The following ATP8A1 variants were observed in gnomAD, a reference collection of about 807,000 sequenced individuals.
ATP8A1 encodes phospholipid-transporting ATPase IA.
Under a neutral mutation model 177.7 loss-of-function variants are expected in ATP8A1, and 90 were observed. The ratio of observed to expected loss-of-function variants is 0.51; its 90% confidence interval spans 0.43 to 0.60. The LOEUF (loss-of-function observed/expected upper bound fraction) is 0.60. ATP8A1 is among the 20% of genes least tolerant of loss of function. ATP8A1 has a pLI of 0.00. For missense variants in ATP8A1, 1,072 were observed against 1,392.8 expected (o/e 0.77, Z 3.67); for synonymous variants, 493 against 485.9 (o/e 1.01, Z -0.19).
intron 5 of ATP8A1, among the ~76,000 whole-genome samples, chr4:42,601,929 A>G (rs1040118106): frequency 4.6e-5 from 7 of 152,192 alleles, no homozygotes; most frequent in Non-Finnish European, 1.0e-4. Context: ...TTCACAATAT[A>G]AATTATTTAA....
chr4:42,436,356 T>C (rs1715998919), intron 33 of ATP8A1, among the ~76,000 whole-genome samples: 1 of 152,228 alleles, frequency 6.6e-6, no homozygotes. Flanking sequence ...GCAAAGGTGC[T>C]GTGGTTACAA....
chr4:42,549,575 G>A (rs571645804), intron 18 of ATP8A1, among the ~76,000 whole-genome samples: 50 of 152,182 alleles, frequency 3.3e-4, no homozygotes, highest in African/African-American at 1.1e-3. Context: ...AATCAAAGGA[G>A]CTCAGGAGTT....
chr4:42,630,748 G>A (rs1043508271), intron 1 of ATP8A1, among the ~76,000 whole-genome samples: 2 of 152,168 alleles, frequency 1.3e-5, no homozygotes, highest in Non-Finnish European at 2.9e-5. Context: ...ACTGAACTCT[G>A]AAGCCCACCA....
intron 25 of ATP8A1, among the ~76,000 whole-genome samples, chr4:42,480,900 A>C (rs980113302): frequency 6.6e-6 from 1 of 152,264 alleles, no homozygotes. Flanking sequence ...AGAAGACATG[A>C]GTACATAAAT....
At position 42,545,909 on chromosome 4, in the gene ATP8A1, G is replaced by A. The variant is rs1728865898; in HGVS notation, c.1653-1923C>T. ...GAATAGCTTGAACCTGGGAGGCGGA[G>A]GTTGCAGTGAGCTGAGATCGAGCCA... is the stretch of plus-strand genomic sequence containing the variant. On this transcript the variant is annotated intron_variant, in intron 19 of 36. Coordinates refer to ENST00000381668, the MANE Select transcript of ATP8A1 (RefSeq NM_006095.2). Among the ~76,000 whole-genome samples the A allele has an allele frequency of 4.6e-5, 7 of 152,288 alleles. No individual in the cohort carries two copies. In the South Asian group the frequency reaches 1.5e-3, roughly 32 times the overall value.
rs1169057055 is a variant in ATP8A1, at chr4:42,497,646, T to TA, written c.2151+5803dup. On this transcript the variant is annotated intron_variant, in intron 24 of 36. Transcript: ENST00000381668. Reference sequence around the variant, plus strand: ...CAAGCCAGCCTCGCTGAATTTTGTTTAAAAAAAAAGGACACATTTAATTCT... The same window carrying TA: ...CAAGCCAGCCTCGCTGAATTTTGTTTAAAAAAAAAAGGACACATTTAATTCT... Among the ~76,000 whole-genome samples the TA allele has an allele frequency of 5.3e-5, 8 of 151,326 alleles. No homozygotes were observed. In the East Asian group the frequency reaches 7.8e-4, roughly 15 times the overall value.
At chr4:42,532,479 CAAA>C (rs1205411363) in intron 20 of ATP8A1, among the ~76,000 whole-genome samples, 1 of 144,950 alleles carries the variant, frequency 6.9e-6, no homozygotes, top group Non-Finnish European at 1.5e-5. Context: ...AACTCCATCT[CAAA>C]AAAAAAATAA....
At chr4:42,433,803 C>G (rs1446012164) in intron 33 of ATP8A1, among the ~76,000 whole-genome samples, 6 of 150,232 alleles carry the variant, frequency 4.0e-5, no homozygotes, top group Non-Finnish European at 8.8e-5. Context: ...CTCAATCTAG[C>G]CATATGATAC....
rs144348573 is a variant in ATP8A1 at position 42,443,691 on chromosome 4, T to G, written c.3016-19A>C. The G allele has an allele frequency of 2.9e-4, 344 of 1,179,990 alleles. 3 individuals are homozygous for G. In the East Asian group the frequency reaches 7.7e-3, roughly 26 times the overall value. The allele number at this position is 1,179,990 out of a possible 1,614,324, so 73.1% of individuals were successfully genotyped here. The stretch of plus-strand genomic sequence containing the variant: ...GGCTGAACTGTAGAGCAAGGAAATC[T>G]GAGTCAAAAAAGTTTTATGTAGACC... On this transcript the variant is annotated intron_variant, in intron 32 of 36. Transcript: ENST00000381668.
At chr4:42,510,961 G>C (rs1293696594) in intron 22 of ATP8A1, among the ~76,000 whole-genome samples, 1 of 152,176 alleles carries the variant, frequency 6.6e-6, no homozygotes. Flanking sequence ...GGAGTGTTGT[G>C]GTGGCTTTAA....
intron 20 of ATP8A1, among the ~76,000 whole-genome samples, chr4:42,537,609 C>T (rs932204985): frequency 3.9e-5 from 6 of 152,148 alleles, no homozygotes; most frequent in African/African-American, 1.4e-4. Flanking sequence ...AGTAGCTCTG[C>T]TATACACCAA....
At chr4:42,652,518 C>T (rs1741195128) in intron 1 of ATP8A1, among the ~76,000 whole-genome samples, 1 of 152,170 alleles carries the variant, frequency 6.6e-6, no homozygotes, top group African/African-American at 2.4e-5. Context: ...CCTTCTCTCT[C>T]CTGCCCTATG....
At chr4:42,616,440 A>C (rs1736923002) in intron 4 of ATP8A1, among the ~76,000 whole-genome samples, 1 of 152,248 alleles carries the variant, frequency 6.6e-6, no homozygotes, top group Non-Finnish European at 1.5e-5. Context: ...ACTCACTTCA[A>C]AAAGGAGATT....
At chr4:42,418,104 A>G (rs1449298518) in intron 35 of ATP8A1, among the ~76,000 whole-genome samples, 2 of 152,226 alleles carry the variant, frequency 1.3e-5, no homozygotes, top group African/African-American at 4.8e-5. Context: ...GCTTTTCATT[A>G]AGATGAACAA....
chr4:42,490,004 A>G (rs1384337976), intron 24 of ATP8A1, among the ~76,000 whole-genome samples: 1 of 152,198 alleles, frequency 6.6e-6, no homozygotes, highest in Admixed American at 6.5e-5. Context: ...GGAGCATCAG[A>G]GACATTGCAA....
chr4:42,556,114 A>ACTCATAAAGTACAT, intron 15 of ATP8A1, 74 bp from the exon 16 acceptor site: 1 of 1,076,638 alleles, frequency 9.3e-7, no homozygotes, highest in Non-Finnish European at 1.4e-6. Context: ...AATGTACTTT[A>ACTCATAAAGTACAT]TGAGTAAAGT....
chr4:42,493,192 A>T (rs1722899299), intron 24 of ATP8A1, among the ~76,000 whole-genome samples: 1 of 152,206 alleles, frequency 6.6e-6, no homozygotes, highest in Admixed American at 6.5e-5. Context: ...AACATTTGAA[A>T]ATAAAATGAC....
In ATP8A1 at chr4:42,657,037, C is replaced by T; in HGVS notation, c.-164G>A. ...GCCGCCGGGCGCGGCCCCCGCACGCCGACAGGAGGAGGAGAAAGGCAGCGG... is the reference window on the plus strand; with the variant it reads ...GCCGCCGGGCGCGGCCCCCGCACGCTGACAGGAGGAGGAGAAAGGCAGCGG... On this transcript the variant is annotated 5_prime_UTR_variant, in exon 1 of 37. Coordinates refer to ENST00000381668, the MANE Select transcript of ATP8A1 (RefSeq NM_006095.2). 6.3e-6 allele frequency: 4 copies of T among 630,634 alleles called. No individual in the cohort carries two copies. The highest frequency in any genetic ancestry group is 9.1e-6 in the Non-Finnish European group (4 of 439,068). 39.1% of individuals were successfully genotyped at this position (630,634 alleles called of 1,614,324 possible). A position where few individuals can be genotyped will look rare whatever the true frequency, so the allele number is the denominator to read the frequency against.
chr4:42,587,888 G>A (rs913498723), intron 8 of ATP8A1, among the ~76,000 whole-genome samples: 4 of 152,032 alleles, frequency 2.6e-5, no homozygotes, highest in Admixed American at 6.5e-5. Flanking sequence ...GATTACAGGC[G>A]TGAGCCACCG....
Sources: gnomAD v4.1 joint callset for allele counts (sites outside exome capture counted in the v4.1 genomes callset) on GRCh38, gnomAD v4.1.1 for gene constraint, MANE v1.5 for transcripts, NCBI Gene and HGNC (gene_info 2026-07-23, HGNC 2026-07-21) for gene names.